SLC12A2: variants seen among roughly 807,000 people sequenced by gnomAD.
SLC12A2 encodes Na-K-2Cl cotransporter 1.
In SLC12A2, 67 loss-of-function variants were observed where a neutral mutation model predicts 136.3. That is an observed-to-expected ratio of 0.49 (90% CI 0.40 to 0.60). SLC12A2 has a LOEUF of 0.60. Ranked by LOEUF, SLC12A2 falls within the 20% of genes least tolerant of loss-of-function variation. The pLI is 0.00. For missense variants in SLC12A2, 1,322 were observed against 1,534.7 expected (o/e 0.86, Z 2.32); for synonymous variants, 619 against 562.9 (o/e 1.10, Z -1.41).
chr5:128,083,809 C>T lies in SLC12A2; in HGVS notation c.-146C>T. The T allele has an allele frequency of 1.7e-6, 1 of 593,536 alleles. No individual in the cohort carries two copies. The highest frequency in any genetic ancestry group is 2.4e-6 in the Non-Finnish European group (1 of 412,328). 36.8% of individuals were successfully genotyped at this position (593,536 alleles called of 1,614,324 possible). ...GGCTGCCGGTGGCCTCTGTGGCCGT[C>T]CAGGCTAGCGGCGGCCCGCAGGCGG... On this transcript the variant is annotated 5_prime_UTR_variant, in exon 1 of 27. Coordinates refer to ENST00000262461, the MANE Select transcript of SLC12A2 (RefSeq NM_001046.3).
At chr5:128,144,564 C>T (rs776425436) in intron 10 of SLC12A2, among the ~76,000 whole-genome samples, 1 of 152,100 alleles carries the variant, frequency 6.6e-6, no homozygotes, top group Non-Finnish European at 1.5e-5. Flanking sequence ...TCCTCTAAAA[C>T]CTTTGACTCA....
At chr5:128,118,545 A>G (rs375342335) in intron 4 of SLC12A2, among the ~76,000 whole-genome samples, 14 of 152,182 alleles carry the variant, frequency 9.2e-5, no homozygotes, top group Admixed American at 7.9e-4. Flanking sequence ...TAAGAATGAT[A>G]TAATAGACTT....
intron 5 of SLC12A2, among the ~76,000 whole-genome samples, chr5:128,131,675 G>A (rs775975622): frequency 1.9e-4 from 29 of 151,706 alleles, no homozygotes; most frequent in Non-Finnish European, 4.1e-4. Context: ...CTGCACTCCA[G>A]CCTGGGCGAC....
At chr5:128,181,090 T>C (rs1312377308) in intron 23 of SLC12A2, 96 bp downstream of exon 23, 2 of 810,072 alleles carry the variant, frequency 2.5e-6, no homozygotes, top group East Asian at 2.5e-5. Context: ...CCAGAAAATG[T>C]CTATTATCTT....
At chr5:128,096,651 C>T (rs1452058091) in intron 1 of SLC12A2, among the ~76,000 whole-genome samples, 2 of 152,008 alleles carry the variant, frequency 1.3e-5, no homozygotes, top group Admixed American at 6.6e-5. Context: ...CAAAGCTGGG[C>T]AGGACATAGC....
chr5:128,169,002 T>G (rs1354816048), intron 18 of SLC12A2: 4 of 152,236 alleles, frequency 2.6e-5, no homozygotes, highest in Non-Finnish European at 5.9e-5. Flanking sequence ...CACATACTTT[T>G]TGTTTAATAA....
intron 5 of SLC12A2, 150 bp from the exon 6 acceptor site, chr5:128,134,015 C>T: frequency 2.0e-6 from 1 of 495,256 alleles, no homozygotes; most frequent in East Asian, 3.2e-5. Flanking sequence ...GTAATTTGTT[C>T]CTTTAGGTCT....
intron 15 of SLC12A2, among the ~76,000 whole-genome samples, chr5:128,155,178 G>A (rs4835944): frequency 0.21 from 31,832 of 151,906 alleles, 3,492 homozygotes; most frequent in East Asian, 0.33. Flanking sequence ...AGATGAAGCC[G>A]GATGTTGAGA....
chr5:128,177,169 A>T lies in SLC12A2; in HGVS notation c.2977+17A>T. The T allele has an allele frequency of 6.3e-7, 1 of 1,580,592 alleles. No individual in the cohort carries two copies. The highest frequency in any genetic ancestry group is 1.4e-5 in the African/African-American group (1 of 73,308). Reference sequence around the variant, plus strand: ...TGAAAAAAGGCAGGCATTTTTCATCATTTTATTTTAAACCCTTTTTCATAC... The same window carrying T: ...TGAAAAAAGGCAGGCATTTTTCATCTTTTTATTTTAAACCCTTTTTCATAC... On this transcript the variant is annotated intron_variant, in intron 21 of 26. Transcript: ENST00000262461.
At chr5:128,155,934 T>C (rs1265766115) in intron 15 of SLC12A2, among the ~76,000 whole-genome samples, 5 of 152,144 alleles carry the variant, frequency 3.3e-5, no homozygotes, top group Non-Finnish European at 1.5e-5. Context: ...GGGTTCAGTA[T>C]ATACATGTTC....
intron 1 of SLC12A2, among the ~76,000 whole-genome samples, chr5:128,086,133 C>G (rs978161461): frequency 6.6e-6 from 1 of 152,012 alleles, no homozygotes; most frequent in Admixed American, 6.5e-5. Context: ...TTTACCAAAG[C>G]CAAGTATGTG....
chr5:128,185,541 A>G (rs374990446), intron 26 of SLC12A2, among the ~76,000 whole-genome samples: 2,297 of 139,660 alleles, frequency 0.016, 59 homozygotes, highest in African/African-American at 0.059. Flanking sequence ...AAAAAGTTTC[A>G]AGTTTTGCTG....
At chr5:128,096,518 T>G (rs564472817) in intron 1 of SLC12A2, among the ~76,000 whole-genome samples, 1 of 152,242 alleles carries the variant, frequency 6.6e-6, no homozygotes, top group South Asian at 2.1e-4. Flanking sequence ...AATGTGAATT[T>G]GCTTTTTGTT....
At chr5:128,133,488 T>C (rs1207440352) in intron 5 of SLC12A2, among the ~76,000 whole-genome samples, 2 of 152,160 alleles carry the variant, frequency 1.3e-5, no homozygotes, top group Non-Finnish European at 2.9e-5. Flanking sequence ...AGGATTATTA[T>C]AATCTGTACT....
At chr5:128,104,630 T>TA (rs1760862406) in intron 1 of SLC12A2, among the ~76,000 whole-genome samples, 1 of 145,066 alleles carries the variant, frequency 6.9e-6, no homozygotes, top group African/African-American at 2.7e-5. Context: ...AGACTCCATC[T>TA]CAAAAAAAAG....
Position 128,110,894 on chromosome 5 carries a change from G to A in SLC12A2, c.757-1920G>A, listed in dbSNP as rs1296237113. 34 of 1,129,740 alleles carry A rather than the reference G, an allele frequency of 3.0e-5. No individual in the cohort carries two copies. The Admixed American group carries it at 5.8e-4, about 19-fold the overall frequency. 70.0% of individuals were successfully genotyped at this position (1,129,740 alleles called of 1,614,324 possible). On this transcript the variant is annotated intron_variant, in intron 1 of 26. Coordinates refer to ENST00000262461, the MANE Select transcript of SLC12A2 (RefSeq NM_001046.3). Reference sequence around the variant, plus strand: ...CAGGAATATGCCAATTTACAAGTGAGTGGGCCGCAAATCTGAGAGGGCATG... The same window carrying A: ...CAGGAATATGCCAATTTACAAGTGAATGGGCCGCAAATCTGAGAGGGCATG...
intron 4 of SLC12A2, among the ~76,000 whole-genome samples, chr5:128,117,453 C>A (rs1002931335): frequency 6.6e-6 from 1 of 152,142 alleles, no homozygotes; most frequent in Admixed American, 6.5e-5. Flanking sequence ...AGTGTTGAAT[C>A]AAACTCCTGA....
chr5:128,160,133 C>A (rs2126732648), intron 16 of SLC12A2, among the ~76,000 whole-genome samples: 1 of 152,146 alleles, frequency 6.6e-6, no homozygotes, highest in South Asian at 2.1e-4. Flanking sequence ...CAAACTAACA[C>A]AAGAACAGAA....
chr5:128,164,588 G>C (rs1763144433), intron 17 of SLC12A2, among the ~76,000 whole-genome samples: 1 of 151,938 alleles, frequency 6.6e-6, no homozygotes, highest in Non-Finnish European at 1.5e-5. Flanking sequence ...TCTACCTTTG[G>C]GAAACCTGTT....
Sources: gnomAD v4.1 joint callset for allele counts (sites outside exome capture counted in the v4.1 genomes callset) on GRCh38, gnomAD v4.1.1 for gene constraint, MANE v1.5 for transcripts, NCBI Gene and HGNC (gene_info 2026-07-23, HGNC 2026-07-21) for gene names.